Variants in DISC1 observed in about 807,000 individuals in gnomAD.
DISC1 encodes the protein DISC1 scaffold protein.
Under a neutral mutation model 84.5 loss-of-function variants are expected in DISC1, and 57 were observed. That is an observed-to-expected ratio of 0.67 (90% confidence interval 0.55 to 0.84). The LOEUF (loss-of-function observed/expected upper bound fraction) is 0.84. Ranked by LOEUF, DISC1 falls within the 40% of genes least tolerant of loss-of-function variation. The probability of loss-of-function intolerance (pLI) is 0.00; values close to 1 mark genes in which losing one functional copy is unlikely to be tolerated. For synonymous variants in DISC1, 411 were observed against 415.2 expected, an observed-to-expected ratio of 0.99 and a Z score of 0.12; for missense variants, 1,000 against 1,057.8, an observed-to-expected ratio of 0.95 and a Z score of 0.76.
chr1:231,652,639 T>C (rs1272904827), intron 1 of DISC1, among the ~76,000 whole-genome samples: 1 of 152,214 alleles, frequency 6.6e-6, no homozygotes, highest in Non-Finnish European at 1.5e-5. Context: ...GGGAACATCC[T>C]TCTAGAAGGT....
At chr1:231,795,511 G>T (rs1195975347) in intron 7 of DISC1, among the ~76,000 whole-genome samples, 1 of 152,346 alleles carries the variant, frequency 6.6e-6, no homozygotes, top group East Asian at 1.9e-4. Flanking sequence ...GAAATGGACT[G>T]GTTTGGCCTT....
rs182466393 is a variant in DISC1, at chr1:232,040,664, C to T, written c.*3833C>T. On this transcript the variant is annotated 3_prime_UTR_variant, in exon 13 of 13. Transcript: ENST00000439617. ...CCTTTTGAGATTTTGAGCCATGGAA[C>T]TTACTTGTTCACCTGGCTAAGAACT... 3.3e-5 allele frequency: 5 copies of T among 152,190 alleles called. No individual in the cohort carries two copies. The highest frequency in any genetic ancestry group is 1.2e-4 in the African/African-American group (5 of 41,442). The allele number at this position is 152,190 out of a possible 1,614,324, so 9.4% of individuals were successfully genotyped here.
chr1:231,916,515 C>T (rs2089637095), intron 9 of DISC1, among the ~76,000 whole-genome samples: 2 of 151,256 alleles, frequency 1.3e-5, no homozygotes, highest in African/African-American at 2.4e-5. Flanking sequence ...ATTAGCCGGG[C>T]GTAGTGGCGG....
rs140926869 is a variant in DISC1, at chr1:231,717,463, A to G, written c.1117+15439A>G. Among the ~76,000 whole-genome samples, 317 of 152,250 alleles carry G rather than the reference A, an allele frequency of 2.1e-3. 1 individual carries two copies. The highest frequency in any genetic ancestry group is 7.2e-3 in the African/African-American group (299 of 41,558). ...TGCTACAGTTTGAACTGGTCAGAAA[A>G]GCCAAGGCCCGCCTCCCTCTGCTGA... On this transcript the variant is annotated intron_variant, in intron 3 of 12. Coordinates refer to ENST00000439617, the MANE Select transcript of DISC1 (RefSeq NM_018662.3).
intron 9 of DISC1, among the ~76,000 whole-genome samples, chr1:231,842,732 C>T (rs190480694): frequency 1.4e-4 from 22 of 152,266 alleles, no homozygotes; most frequent in Middle Eastern, 3.4e-3. Flanking sequence ...TTCTGTGAGC[C>T]TCACTTTCCC....
intron 11 of DISC1, among the ~76,000 whole-genome samples, chr1:232,020,002 G>C (rs529828154): frequency 6.6e-6 from 1 of 152,218 alleles, no homozygotes; most frequent in Non-Finnish European, 1.5e-5. Flanking sequence ...ACAGGTGCTG[G>C]CTGTTTGCTT....
In DISC1 at chr1:231,654,313, GT is replaced by G. The variant is rs142226103; in HGVS notation, c.67+27389del. The stretch of plus-strand genomic sequence containing the variant: ...TATGTCAAAAATTTGATAGGATTCT[GT>G]TTTTTTTTTAAATTAATTACTTTTA... On this transcript the variant is annotated intron_variant, in intron 1 of 12. Transcript: ENST00000439617. 1.2e-3 allele frequency among the ~76,000 whole-genome samples: 185 copies of G among 148,592 alleles called. 1 individual carries two copies. Among genetic ancestry groups the G allele is most frequent in the Middle Eastern group, 3.6e-3 (1 of 280 alleles).
At chr1:231,711,745 C>A (rs2067879593) in intron 3 of DISC1, among the ~76,000 whole-genome samples, 1 of 152,096 alleles carries the variant, frequency 6.6e-6, no homozygotes, top group Admixed American at 6.5e-5. Flanking sequence ...TCTGGTGTGA[C>A]CAGAGGTGGC....
At chr1:231,894,781 A>G (rs2087552785) in intron 9 of DISC1, among the ~76,000 whole-genome samples, 1 of 125,062 alleles carries the variant, frequency 8.0e-6, no homozygotes, top group Admixed American at 8.2e-5. Context: ...GTGTGTGTGC[A>G]TCTTTTTATA....
At chr1:231,963,946 C>T (rs765685900) in intron 10 of DISC1, among the ~76,000 whole-genome samples, 2 of 152,164 alleles carry the variant, frequency 1.3e-5, no homozygotes, top group Admixed American at 6.5e-5. Context: ...CAGTGCTTTT[C>T]TATACAATGT....
chr1:231,780,227 T>C (rs954382283), intron 6 of DISC1, among the ~76,000 whole-genome samples: 77 of 52,588 alleles, frequency 1.5e-3, no homozygotes, highest in Non-Finnish European at 2.2e-3. Flanking sequence ...CCCTAAAACT[T>C]AAAGTATAAT....
chr1:231,729,225 T>C (rs2071186141), intron 3 of DISC1, among the ~76,000 whole-genome samples: 1 of 152,252 alleles, frequency 6.6e-6, no homozygotes, highest in Non-Finnish European at 1.5e-5. Flanking sequence ...CCTCATTTTC[T>C]TAATCCAGTC....
intron 4 of DISC1, among the ~76,000 whole-genome samples, chr1:231,752,358 A>G (rs939338894): frequency 5.3e-5 from 8 of 152,168 alleles, no homozygotes; most frequent in Admixed American, 1.3e-4. Flanking sequence ...AGGGGAGCAC[A>G]CACATTGCAT....
intron 9 of DISC1, among the ~76,000 whole-genome samples, chr1:231,921,217 T>C (rs1285412809): frequency 1.3e-5 from 2 of 152,144 alleles, no homozygotes; most frequent in African/African-American, 4.8e-5. Context: ...CCCGGCCAGC[T>C]GGACTGCTTT....
At chr1:231,854,482 A>C (rs1235670913) in intron 9 of DISC1, among the ~76,000 whole-genome samples, 1 of 152,200 alleles carries the variant, frequency 6.6e-6, no homozygotes, top group East Asian at 1.9e-4. Context: ...AGAGCAGTAT[A>C]TGTAAACCTT....
chr1:231,813,275 G>A (rs918045942), intron 8 of DISC1: 4 of 152,206 alleles, frequency 2.6e-5, no homozygotes, highest in Admixed American at 2.6e-4. Flanking sequence ...GTCTCTGGAG[G>A]CATAGTTGGT....
intron 1 of DISC1, among the ~76,000 whole-genome samples, chr1:231,681,164 G>A (rs546505153): frequency 1.4e-4 from 21 of 152,308 alleles, no homozygotes; most frequent in African/African-American, 3.6e-4. Context: ...AAAGACAATC[G>A]TTTAGGAGAA....
At chr1:231,928,665 A>T (rs2090485131) in intron 9 of DISC1, among the ~76,000 whole-genome samples, 1 of 152,092 alleles carries the variant, frequency 6.6e-6, no homozygotes, top group South Asian at 2.1e-4. Context: ...TCGATTTGAG[A>T]TCTTTCCCAC....
intron 10 of DISC1, among the ~76,000 whole-genome samples, chr1:232,000,671 A>G (rs1666573739): frequency 1.3e-5 from 2 of 152,220 alleles, no homozygotes; most frequent in African/African-American, 4.8e-5. Flanking sequence ...AAAACTAAAG[A>G]CAAGGAAAAA....
Sources: allele counts gnomAD v4.1 joint callset (sites outside exome capture counted in the v4.1 genomes callset), GRCh38; gene constraint gnomAD v4.1.1; transcripts MANE v1.5; gene names NCBI Gene and HGNC (gene_info 2026-07-23, HGNC 2026-07-21).